YBEY: variants seen among roughly 807,000 people sequenced by gnomAD.
YBEY encodes the protein endoribonuclease YbeY.
A neutral mutation model predicts 13.5 loss-of-function variants in YBEY; 15 were observed. The ratio of observed to expected loss-of-function variants is 1.11; its 90% CI spans 0.75 to 1.72. YBEY has a LOEUF of 1.72. Among genes scored for constraint, YBEY ranks in the 40% most tolerant of loss-of-function variants. The probability of loss-of-function intolerance (pLI) is 0.00; values close to 1 mark genes in which losing one functional copy is unlikely to be tolerated. For missense variants in YBEY, 244 were observed against 208.4 expected (o/e 1.17, Z -1.05); for synonymous variants, 101 against 83.1 (o/e 1.21, Z -1.17).
intron 4 of YBEY, 47 bp downstream of exon 4, chr21:46,296,277 G>A: frequency 6.2e-7 from 1 of 1,606,062 alleles, no homozygotes; most frequent in Non-Finnish European, 8.5e-7. Flanking sequence ...GTGGGGGAAG[G>A]AGGCTCCCCC....
At chr21:46,297,447 C>A in intron 4 of YBEY, 92 bp from the exon 5 acceptor site, 2 of 1,230,358 alleles carry the variant, frequency 1.6e-6, no homozygotes, top group Non-Finnish European at 2.1e-6. Context: ...TTCCCCCAAA[C>A]CCTGTGGGAG....
intron 3 of YBEY, chr21:46,291,980 C>T: frequency 2.3e-6 from 1 of 439,378 alleles, no homozygotes; most frequent in Non-Finnish European, 3.0e-6. Flanking sequence ...CCAGAGAACT[C>T]AGAGGCTACA....
intron 2 of YBEY, among the ~76,000 whole-genome samples, chr21:46,288,890 T>C (rs2081580364): frequency 6.6e-6 from 1 of 151,860 alleles, no homozygotes; most frequent in African/African-American, 2.4e-5. Context: ...GGCATGGTGG[T>C]GTGCAGAGCT....
chr21:46,294,287 CGCG>C (rs2081859667), intron 3 of YBEY, among the ~76,000 whole-genome samples: 2 of 83,526 alleles, frequency 2.4e-5, no homozygotes, highest in African/African-American at 8.2e-5. Context: ...AAATTCCTCC[CGCG>C]GTTAGCCTGA....
downstream of YBEY, among the ~76,000 whole-genome samples, chr21:46,299,047 C>CTT (rs58361649): frequency 9.2e-6 from 1 of 108,864 alleles, no homozygotes; most frequent in Non-Finnish European, 1.9e-5. Flanking sequence ...TTCTTTCTTT[C>CTT]TTTTTTTTTT....
the YBEY span, among the ~76,000 whole-genome samples, chr21:46,307,592 G>A: frequency 6.6e-6 from 1 of 152,132 alleles, no homozygotes; most frequent in African/African-American, 2.4e-5. Context: ...GCCACTCCAG[G>A]GGCTCCTCAT....
chr21:46,286,766 ATCAGT>A, intron 1 of YBEY, 99 bp from the exon 2 acceptor site: 1 of 694,746 alleles, frequency 1.4e-6, no homozygotes, highest in Non-Finnish European at 2.4e-6. Context: ...AAGATTTTCA[ATCAGT>A]TCCACCAAAT....
At chr21:46,295,907 G>C (rs1250490762) in intron 3 of YBEY, among the ~76,000 whole-genome samples, 1 of 151,962 alleles carries the variant, frequency 6.6e-6, no homozygotes, top group Admixed American at 6.6e-5. Context: ...TCCATCCTGG[G>C]GGCCCCTCCC....
chr21:46,311,479 T>G, the YBEY span: 2 of 1,605,098 alleles, frequency 1.2e-6, no homozygotes, highest in Non-Finnish European at 8.5e-7. Flanking sequence ...TCCTGACCGT[T>G]GAGTAGGGAA....
chr21:46,289,441 G>GTTTTTTTT (rs773002446), intron 2 of YBEY, among the ~76,000 whole-genome samples: 16 of 136,514 alleles, frequency 1.2e-4, no homozygotes, highest in Non-Finnish European at 1.3e-4. Context: ...GAAGGCAAGG[G>GTTTTTTTT]TTTTGTTTTT....
intron 2 of YBEY, among the ~76,000 whole-genome samples, chr21:46,290,927 C>T (rs2081673641): frequency 6.6e-6 from 1 of 151,094 alleles, no homozygotes; most frequent in Admixed American, 6.6e-5. Context: ...TGCCTGTAGT[C>T]CCAGCTACTC....
At chr21:46,288,593 C>G (rs867151690) in intron 2 of YBEY, among the ~76,000 whole-genome samples, 1 of 152,080 alleles carries the variant, frequency 6.6e-6, no homozygotes, top group African/African-American at 2.4e-5. Flanking sequence ...GCAGGAAAAT[C>G]TCTTGAACCA....
intron 2 of YBEY, among the ~76,000 whole-genome samples, chr21:46,290,932 C>G (rs1182243209): frequency 6.6e-6 from 1 of 150,654 alleles, no homozygotes; most frequent in African/African-American, 2.4e-5. Context: ...GTAGTCCCAG[C>G]TACTCGGGAG....
intron 4 of YBEY, 26 bp downstream of exon 4, chr21:46,296,256 C>G (rs762847090): frequency 2.5e-6 from 4 of 1,612,420 alleles, no homozygotes; most frequent in South Asian, 2.2e-5. Flanking sequence ...ATCCCACTAC[C>G]GAGGGGGTGC....
At position 46,296,377 on chromosome 21, in the gene YBEY, G is replaced by T. The variant is rs1325183272; in HGVS notation, c.408+147G>T. 4.7e-6 allele frequency: 4 copies of T among 851,012 alleles called. No homozygotes were observed. The Admixed American group carries it at 9.7e-5, about 21-fold the overall frequency. The allele number at this position is 851,012 out of a possible 1,614,324, so 52.7% of individuals were successfully genotyped here. A position where few individuals can be genotyped will look rare whatever the true frequency, so the allele number is the denominator to read the frequency against. ...CCTTGTAAAAATGACACAGATGTTTGCTTTCAACACCGGGCTCCCCAAATA... is the reference window on the plus strand; with the variant it reads ...CCTTGTAAAAATGACACAGATGTTTTCTTTCAACACCGGGCTCCCCAAATA... On this transcript the variant is annotated intron_variant, in intron 4 of 4. Transcript: ENST00000397701.
downstream of YBEY, chr21:46,302,495 G>C (rs575186225): frequency 9.5e-5 from 153 of 1,609,036 alleles, no homozygotes; most frequent in East Asian, 2.3e-3. Flanking sequence ...CTGCAGGGCT[G>C]GGGGCAGGGC....
downstream of YBEY, among the ~76,000 whole-genome samples, chr21:46,298,916 T>TTC (rs1233325288): frequency 6.6e-6 from 1 of 151,616 alleles, no homozygotes; most frequent in Non-Finnish European, 1.5e-5. Context: ...GAGACAGGGT[T>TTC]TCGCTGTGTT....
At chr21:46,302,500 C>T, downstream of YBEY, 1 of 1,611,224 alleles carries the variant, frequency 6.2e-7, no homozygotes, top group Non-Finnish European at 8.5e-7. Context: ...GGGCTGGGGG[C>T]AGGGCCTTGA....
intron 3 of YBEY, among the ~76,000 whole-genome samples, chr21:46,292,476 T>C (rs2081757781): frequency 6.6e-6 from 1 of 152,222 alleles, no homozygotes; most frequent in African/African-American, 2.4e-5. Flanking sequence ...ATTACTATTC[T>C]TGATTTAAAG....
Sources: allele counts gnomAD v4.1 joint callset (sites outside exome capture counted in the v4.1 genomes callset), GRCh38; gene constraint gnomAD v4.1.1; transcripts MANE v1.5; gene names NCBI Gene and HGNC (gene_info 2026-07-23, HGNC 2026-07-21).